STON2: variants seen among roughly 807,000 people sequenced by gnomAD.
STON2 encodes stonin-2.
A neutral mutation model predicts 65.7 loss-of-function variants in STON2; 29 were observed. The ratio of observed to expected loss-of-function variants is 0.44; its 90% CI spans 0.33 to 0.60. The LOEUF is 0.60. Among genes scored for constraint, STON2 ranks in the 20% least tolerant of loss-of-function variants. The pLI, the probability that STON2 is intolerant of heterozygous loss-of-function variation, is 0.03. For missense variants in STON2, 1,054 were observed against 1,118.1 expected, an observed-to-expected ratio of 0.94 and a Z score of 0.82; for synonymous variants, 404 against 414.2, an observed-to-expected ratio of 0.98 and a Z score of 0.30.
chr14:81,344,139 A>C (rs1412026559), intron 4 of STON2, among the ~76,000 whole-genome samples: 2 of 152,172 alleles, frequency 1.3e-5, no homozygotes, highest in Non-Finnish European at 2.9e-5. Flanking sequence ...GTCAGCCCCT[A>C]AACACATCTA....
At chr14:81,390,151 G>T (rs147362073) in intron 3 of STON2, among the ~76,000 whole-genome samples, 1 of 150,604 alleles carries the variant, frequency 6.6e-6, no homozygotes, top group Non-Finnish European at 1.5e-5. Flanking sequence ...CTGAGATTGC[G>T]CCACTGGACT....
intron 2 of STON2, among the ~76,000 whole-genome samples, chr14:81,411,572 T>C (rs1323917892): frequency 6.6e-6 from 1 of 152,138 alleles, no homozygotes; most frequent in African/African-American, 2.4e-5. Context: ...CCAGGTGTGG[T>C]GGCGCATGCC....
At chr14:81,385,573 T>C (rs376816222) in intron 3 of STON2, among the ~76,000 whole-genome samples, 2 of 152,188 alleles carry the variant, frequency 1.3e-5, no homozygotes, top group African/African-American at 4.8e-5. Flanking sequence ...CCAGTTTCCT[T>C]GCCTATCTTG....
At chr14:81,282,033 T>C (rs1209980680) in intron 5 of STON2, among the ~76,000 whole-genome samples, 1 of 152,232 alleles carries the variant, frequency 6.6e-6, no homozygotes, top group Non-Finnish European at 1.5e-5. Flanking sequence ...TTCTATGAAA[T>C]AATTTATTTA....
At chr14:81,408,136 AAC>A (rs149914558) in intron 2 of STON2, among the ~76,000 whole-genome samples, 181 of 148,236 alleles carry the variant, frequency 1.2e-3, no homozygotes, top group Middle Eastern at 3.5e-3. Context: ...TTCACTGAAG[AAC>A]ACACACACAC....
At chr14:81,406,247 CT>C (rs1445060667) in intron 2 of STON2, among the ~76,000 whole-genome samples, 1 of 152,140 alleles carries the variant, frequency 6.6e-6, no homozygotes, top group African/African-American at 2.4e-5. Context: ...ATAAACTACC[CT>C]TCATATATAC....
At position 81,270,748 on chromosome 14, in the gene STON2, G is replaced by A; in HGVS notation, c.2706C>T (p.Ala902=). The A allele has an allele frequency of 1.9e-6, 3 of 1,614,166 alleles. No individual in the cohort carries two copies. The highest frequency in any genetic ancestry group is 2.5e-6 in the Non-Finnish European group (3 of 1,180,032). ...FSMPTTSASK[A]SVRSISVEDK... Reference sequence around the variant, plus strand: ...CTTCTACAGAGATAGATCTCACGCTGGCTTTGGAGGCAGAAGTTGTGGGCA... The same window carrying A: ...CTTCTACAGAGATAGATCTCACGCTAGCTTTGGAGGCAGAAGTTGTGGGCA... Residue 902 remains alanine, a synonymous_variant, in exon 7 of 8, where the codon GCC becomes GCT. Transcript: ENST00000614646.
rs1894109305 is a variant in STON2, at chr14:81,260,799, A to C, written c.*7615T>G. On this transcript the variant is annotated 3_prime_UTR_variant, in exon 8 of 8. Coordinates refer to ENST00000614646, the MANE Select transcript of STON2 (RefSeq NM_001394390.1). The stretch of plus-strand genomic sequence containing the variant: ...ATAGGCACATATTAAAAAAAAAAAA[A>C]CATAAACTGGTTTTACATAAAATTA... 2 of 152,056 alleles carry C rather than the reference A, an allele frequency of 1.3e-5. No homozygotes were observed. The highest frequency in any genetic ancestry group is 2.1e-4 in the South Asian group (1 of 4,822). 9.4% of individuals were successfully genotyped at this position (152,056 alleles called of 1,614,324 possible).
chr14:81,362,723 TCATAA>T (rs1480120591), intron 4 of STON2, among the ~76,000 whole-genome samples: 2 of 152,144 alleles, frequency 1.3e-5, no homozygotes, highest in Admixed American at 6.6e-5. Context: ...TATTAAAAAA[TCATAA>T]CATAACTTTG....
chr14:81,315,625 A>T (rs1180023636), intron 5 of STON2, among the ~76,000 whole-genome samples: 1 of 152,276 alleles, frequency 6.6e-6, no homozygotes, highest in Non-Finnish European at 1.5e-5. Flanking sequence ...CGCAGAGAAC[A>T]TTAACCCTTC....
At chr14:81,392,559 A>G (rs1900130920) in intron 3 of STON2, among the ~76,000 whole-genome samples, 1 of 152,204 alleles carries the variant, frequency 6.6e-6, no homozygotes, top group Non-Finnish European at 1.5e-5. Flanking sequence ...TAGCATAGTC[A>G]TGAAAGTGTT....
chr14:81,393,863 G>A (rs1426962028), intron 3 of STON2, among the ~76,000 whole-genome samples: 3 of 152,260 alleles, frequency 2.0e-5, no homozygotes, highest in South Asian at 2.1e-4. Flanking sequence ...ACGCTGCACT[G>A]AGAGTCATGA....
chr14:81,394,254 T>C (rs1900213098), intron 3 of STON2, among the ~76,000 whole-genome samples: 1 of 152,192 alleles, frequency 6.6e-6, no homozygotes, highest in African/African-American at 2.4e-5. Flanking sequence ...GTGCAAATTA[T>C]TATGTAAAAA....
At chr14:81,349,089 C>T (rs1897926604) in intron 4 of STON2, among the ~76,000 whole-genome samples, 1 of 152,068 alleles carries the variant, frequency 6.6e-6, no homozygotes, top group East Asian at 1.9e-4. Flanking sequence ...CAAAAATCAA[C>T]TCAAAATGAA....
In STON2 at chr14:81,273,627, C is replaced by T. The variant is rs186859239; in HGVS notation, c.2582-2755G>A. Among the ~76,000 whole-genome samples the T allele has an allele frequency of 2.6e-5, 4 of 151,992 alleles. No individual in the cohort carries two copies. The East Asian group carries it at 5.8e-4, about 22-fold the overall frequency. The stretch of plus-strand genomic sequence containing the variant: ...TGCCCACGTATGTGGCTGGGCTGGG[C>T]CAGGCTGGGCTGGGCCCCGCCGGCG... On this transcript the variant is annotated intron_variant, in intron 6 of 7. Transcript: ENST00000614646.
chr14:81,397,928 C>G (rs1384155481), intron 2 of STON2, among the ~76,000 whole-genome samples: 2 of 152,156 alleles, frequency 1.3e-5, no homozygotes, highest in Admixed American at 1.3e-4. Context: ...CCTGGTGCAA[C>G]AGGGATTTGA....
intron 3 of STON2, among the ~76,000 whole-genome samples, chr14:81,392,947 G>A (rs573975218): frequency 6.6e-6 from 1 of 152,280 alleles, no homozygotes; most frequent in South Asian, 2.1e-4. Flanking sequence ...TCAATGCAGT[G>A]AAAAGGCAAA....
Position 81,267,407 on chromosome 14 carries a change from TA to T in STON2, c.*1006del. ...TTCAAGCTTAATTTTAAAACAGCTT[TA>T]AAAATTATCTTTGCAGCTTAAATTT... On this transcript the variant is annotated 3_prime_UTR_variant, in exon 8 of 8. Transcript: ENST00000614646. 1.0e-6 allele frequency: 1 copy of T among 985,450 alleles called. No homozygotes were observed. Among genetic ancestry groups the T allele is most frequent in the Non-Finnish European group, 1.2e-6 (1 of 829,934 alleles). The allele number at this position is 985,450 out of a possible 1,614,324, so 61.0% of individuals were successfully genotyped here. A position where few individuals can be genotyped will look rare whatever the true frequency, so the allele number is the denominator to read the frequency against.
At chr14:81,330,475 G>C in intron 4 of STON2, among the ~76,000 whole-genome samples, 1 of 151,820 alleles carries the variant, frequency 6.6e-6, no homozygotes, top group East Asian at 1.9e-4. Context: ...TTATAGTAGT[G>C]TTTTATAATA....
Sources: allele counts gnomAD v4.1 joint callset (sites outside exome capture counted in the v4.1 genomes callset), GRCh38; gene constraint gnomAD v4.1.1; transcripts MANE v1.5; gene names NCBI Gene and HGNC (gene_info 2026-07-23, HGNC 2026-07-21).